The following FAM168A variants were observed in gnomAD, a reference collection of about 807,000 sequenced individuals.
FAM168A encodes the protein family with sequence similarity 168 member A.
In FAM168A, 3 loss-of-function variants were observed where a neutral mutation model predicts 28.5. The observed-to-expected ratio is 0.11, with a 90% CI of 0.05 to 0.27. The LOEUF (loss-of-function observed/expected upper bound fraction) is 0.27, where lower values mean the gene tolerates loss of function less well. Ranked by LOEUF, FAM168A falls within the 10% of genes least tolerant of loss-of-function variation. The pLI, the probability that FAM168A is intolerant of heterozygous loss-of-function variation, is 1.00. For missense variants in FAM168A, 222 were observed against 311.5 expected (o/e 0.71, Z 2.16); for synonymous variants, 122 against 124.2 (o/e 0.98, Z 0.12).
intron 1 of FAM168A, among the ~76,000 whole-genome samples, chr11:73,543,000 T>C (rs954738315): frequency 6.6e-6 from 1 of 152,188 alleles, no homozygotes; most frequent in Admixed American, 6.5e-5. Flanking sequence ...TCCCTCAAAT[T>C]ATCAATATGA....
chr11:73,524,774 T>C (rs1276472930), intron 1 of FAM168A, among the ~76,000 whole-genome samples: 1 of 152,086 alleles, frequency 6.6e-6, no homozygotes. Context: ...ATTTTTTGTA[T>C]TTTTAGTGAA....
intron 1 of FAM168A, among the ~76,000 whole-genome samples, chr11:73,498,896 T>C (rs1374759748): frequency 6.6e-6 from 1 of 152,072 alleles, no homozygotes; most frequent in Non-Finnish European, 1.5e-5. Flanking sequence ...CGGGGACGGG[T>C]AGCCATAGTT....
At chr11:73,565,840 T>C (rs943913247) in intron 1 of FAM168A, among the ~76,000 whole-genome samples, 6 of 152,194 alleles carry the variant, frequency 3.9e-5, no homozygotes, top group Admixed American at 1.3e-4. Context: ...ATTCCACTGT[T>C]TCACCAGGCT....
At chr11:73,430,567 A>C (rs1590768440) in intron 3 of FAM168A, 123 bp downstream of exon 3, 1 of 887,054 alleles carries the variant, frequency 1.1e-6, no homozygotes, top group Non-Finnish European at 1.9e-6. Flanking sequence ...AGGAAAATCC[A>C]GCCTGGAGAG....
intron 2 of FAM168A, among the ~76,000 whole-genome samples, chr11:73,444,750 T>C (rs558468896): frequency 6.6e-6 from 1 of 152,344 alleles, no homozygotes; most frequent in East Asian, 1.9e-4. Context: ...CTAGAATTCC[T>C]TAAGTAAATT....
At chr11:73,498,128 T>C (rs998783481) in intron 1 of FAM168A, among the ~76,000 whole-genome samples, 1 of 152,124 alleles carries the variant, frequency 6.6e-6, no homozygotes, top group African/African-American at 2.4e-5. Flanking sequence ...GGGGCCAAGA[T>C]GGCCAACTAG....
In FAM168A at chr11:73,519,810, G is replaced by A. The variant is rs541740582; in HGVS notation, c.-18-51318C>T. On this transcript the variant is annotated intron_variant, in intron 1 of 7. Coordinates refer to ENST00000356467, the MANE Select transcript of FAM168A (RefSeq NM_015159.3). ...TGTGTGTGTGCGTGTGCGTTTGTGT[G>A]TGTATACATATATATATGTATATTT... Among the ~76,000 whole-genome samples, 3 of 151,426 alleles carry A rather than the reference G, an allele frequency of 2.0e-5. No individual in the cohort carries two copies. The South Asian group carries it at 6.3e-4, about 32-fold the overall frequency.
intron 1 of FAM168A, among the ~76,000 whole-genome samples, chr11:73,534,893 C>G (rs779483836): frequency 6.6e-6 from 1 of 152,104 alleles, no homozygotes; most frequent in Non-Finnish European, 1.5e-5. Flanking sequence ...CAGTTGAGGG[C>G]AGGGTTACTA....
intron 2 of FAM168A, among the ~76,000 whole-genome samples, chr11:73,464,832 G>C (rs74979961): frequency 2.0e-5 from 3 of 151,480 alleles, no homozygotes; most frequent in African/African-American, 7.3e-5. Context: ...CTCAGCTGTC[G>C]TGTGAGGAAG....
chr11:73,430,527 T>C, intron 3 of FAM168A, 163 bp downstream of exon 3: 2 of 652,170 alleles, frequency 3.1e-6, no homozygotes, highest in Non-Finnish European at 5.6e-6. Flanking sequence ...ACCCTGAGGC[T>C]GATTGTCCCA....
intron 1 of FAM168A, among the ~76,000 whole-genome samples, chr11:73,583,982 G>C (rs1944279029): frequency 6.6e-6 from 1 of 152,140 alleles, no homozygotes; most frequent in South Asian, 2.1e-4. Flanking sequence ...TTTCAGGCAT[G>C]CTCATTTTAA....
At chr11:73,493,743 C>T (rs1854809396) in intron 1 of FAM168A, among the ~76,000 whole-genome samples, 1 of 152,046 alleles carries the variant, frequency 6.6e-6, no homozygotes, top group African/African-American at 2.4e-5. Context: ...TAAGGAGGAA[C>T]ATAACTTATC....
intron 1 of FAM168A, among the ~76,000 whole-genome samples, chr11:73,566,790 T>C (rs945395828): frequency 6.6e-6 from 1 of 152,136 alleles, no homozygotes; most frequent in Non-Finnish European, 1.5e-5. Context: ...ATTATTACTA[T>C]AAAATGTTAC....
At chr11:73,581,332 GA>G (rs1164513510) in intron 1 of FAM168A, among the ~76,000 whole-genome samples, 2 of 152,020 alleles carry the variant, frequency 1.3e-5, no homozygotes, top group Non-Finnish European at 1.5e-5. Context: ...GTTTGGCTTG[GA>G]AAAAAACAGA....
At chr11:73,475,257 C>A (rs1867873111) in intron 1 of FAM168A, among the ~76,000 whole-genome samples, 1 of 151,918 alleles carries the variant, frequency 6.6e-6, no homozygotes, top group South Asian at 2.1e-4. Flanking sequence ...TGGTAAAATT[C>A]TTTGAAAAAT....
intron 1 of FAM168A, among the ~76,000 whole-genome samples, chr11:73,580,044 A>G (rs1415082730): frequency 1.3e-5 from 2 of 152,218 alleles, no homozygotes; most frequent in Non-Finnish European, 2.9e-5. Flanking sequence ...ATGTCTACAC[A>G]CTAATATACT....
chr11:73,542,997 A>ATTATCAATATTCTTCCCTCAG (rs1943677099), intron 1 of FAM168A, among the ~76,000 whole-genome samples: 1 of 152,098 alleles, frequency 6.6e-6, no homozygotes, highest in African/African-American at 2.4e-5. Context: ...TCTTCCCTCA[A>ATTATCAATATTCTTCCCTCAG]ATTATCAATA....
chr11:73,544,523 C>T (rs1455820825), intron 1 of FAM168A, among the ~76,000 whole-genome samples: 1 of 151,288 alleles, frequency 6.6e-6, no homozygotes, highest in Non-Finnish European at 1.5e-5. Flanking sequence ...AAAGTGGGAA[C>T]TATCCAAATG....
intron 1 of FAM168A, among the ~76,000 whole-genome samples, chr11:73,530,634 C>T (rs1430690912): frequency 6.6e-6 from 1 of 152,174 alleles, no homozygotes; most frequent in Non-Finnish European, 1.5e-5. Context: ...GTACAGCAAT[C>T]TTTTTCTGCA....
Sources: allele counts gnomAD v4.1 joint callset (sites outside exome capture counted in the v4.1 genomes callset), GRCh38; gene constraint gnomAD v4.1.1; transcripts MANE v1.5; gene names NCBI Gene and HGNC (gene_info 2026-07-23, HGNC 2026-07-21).